SBF2: variants seen among roughly 807,000 people sequenced by gnomAD.
SBF2 encodes myotubularin-related protein 13.
SBF2 carries 112 observed loss-of-function variants against 225.2 expected under a neutral mutation model. That is an observed-to-expected ratio of 0.50 (90% CI 0.43 to 0.58). The LOEUF (loss-of-function observed/expected upper bound fraction) is 0.58, where lower values mean the gene tolerates loss of function less well. Among genes scored for constraint, SBF2 ranks in the 20% least tolerant of loss-of-function variants. The pLI, the probability that SBF2 is intolerant of heterozygous loss-of-function variation, is 0.00. For missense variants in SBF2, 1,996 were observed against 2,206.2 expected, an observed-to-expected ratio of 0.90 and a Z score of 1.91; for synonymous variants, 763 against 773.3, an observed-to-expected ratio of 0.99 and a Z score of 0.22.
At chr11:10,152,000 T>C (rs771216992) in intron 2 of SBF2, among the ~76,000 whole-genome samples, 2 of 152,226 alleles carry the variant, frequency 1.3e-5, no homozygotes, top group Non-Finnish European at 2.9e-5. Flanking sequence ...TGTAGCATTG[T>C]CAAAGTTAGT....
chr11:9,892,724 T>TA (rs1860936096), intron 17 of SBF2, among the ~76,000 whole-genome samples: 1 of 151,868 alleles, frequency 6.6e-6, no homozygotes, highest in Non-Finnish European at 1.5e-5. Flanking sequence ...CACGCCCGGC[T>TA]AATTTCGTAT....
intron 2 of SBF2, among the ~76,000 whole-genome samples, chr11:10,062,139 G>T (rs144295948): frequency 6.6e-6 from 1 of 152,192 alleles, no homozygotes; most frequent in Non-Finnish European, 1.5e-5. Context: ...CTAGCCATAT[G>T]CAGAATACTG....
chr11:9,876,089 T>C (rs550018641), intron 17 of SBF2, among the ~76,000 whole-genome samples: 1 of 152,316 alleles, frequency 6.6e-6, no homozygotes, highest in African/African-American at 2.4e-5. Flanking sequence ...TTAAACGATC[T>C]GGTCACATCC....
intron 2 of SBF2, among the ~76,000 whole-genome samples, chr11:10,086,433 G>C (rs7946649): frequency 0.17 from 25,905 of 152,096 alleles, 2,404 homozygotes; most frequent in East Asian, 0.29. Context: ...TCACTTGCTG[G>C]TCCTCTGCAG....
intron 2 of SBF2, among the ~76,000 whole-genome samples, chr11:10,130,419 C>T (rs764016152): frequency 2.8e-4 from 43 of 151,472 alleles, no homozygotes; most frequent in Non-Finnish European, 6.2e-4. Flanking sequence ...TACCCTTAAA[C>T]AATTTTTTTA....
chr11:10,210,044 C>G (rs915185974), intron 1 of SBF2, among the ~76,000 whole-genome samples: 10 of 152,236 alleles, frequency 6.6e-5, no homozygotes, highest in African/African-American at 2.4e-4. Flanking sequence ...GTGGCTCATG[C>G]CTGTAATCCC....
rs1278371832 is a variant in SBF2, at chr11:9,780,303, G to C, written c.*115C>G. On this transcript the variant is annotated 3_prime_UTR_variant, in exon 40 of 40. Coordinates refer to ENST00000256190, the MANE Select transcript of SBF2 (RefSeq NM_030962.4). ...CCCTGCAAGAGGGGACTGGGCAGGA[G>C]AACCTCAGGCCCTGGGATAACTTGT... is the stretch of plus-strand genomic sequence containing the variant. The C allele has an allele frequency of 1.1e-6, 1 of 881,630 alleles. No homozygotes were observed. The allele number at this position is 881,630 out of a possible 1,614,324, so 54.6% of individuals were successfully genotyped here.
intron 1 of SBF2, among the ~76,000 whole-genome samples, chr11:10,270,490 G>A (rs1962383812): frequency 6.6e-6 from 1 of 152,156 alleles, no homozygotes; most frequent in Non-Finnish European, 1.5e-5. Context: ...ATGTTGAGTA[G>A]GCTGAGGAGG....
intron 2 of SBF2, among the ~76,000 whole-genome samples, chr11:10,182,860 G>A (rs539406756): frequency 1.2e-4 from 18 of 151,950 alleles, no homozygotes; most frequent in Admixed American, 9.2e-4. Flanking sequence ...TGCAACCTCC[G>A]TGTCCTGGGT....
In SBF2 at chr11:9,881,737, T is replaced by TC. The variant is rs560048250; in HGVS notation, c.1929+14205dup. On this transcript the variant is annotated intron_variant, in intron 17 of 39. Coordinates refer to ENST00000256190, the MANE Select transcript of SBF2 (RefSeq NM_030962.4). ...AGTAGAGTCTCTACAACACTCCCCA[T>TC]CCCCCCCCAATTAAACAAATAAAGT... Among the ~76,000 whole-genome samples the TC allele has an allele frequency of 1.6e-3, 240 of 146,338 alleles. 1 individual carries two copies. The highest frequency in any genetic ancestry group is 6.1e-3 in the South Asian group (28 of 4,576).
intron 16 of SBF2, among the ~76,000 whole-genome samples, chr11:9,918,011 G>T (rs1173945968): frequency 1.3e-5 from 2 of 151,516 alleles, no homozygotes; most frequent in African/African-American, 4.9e-5. Flanking sequence ...CATCACATAT[G>T]AACTTGATGC....
At chr11:10,284,687 T>C (rs1380740535) in intron 1 of SBF2, among the ~76,000 whole-genome samples, 1 of 152,178 alleles carries the variant, frequency 6.6e-6, no homozygotes, top group South Asian at 2.1e-4. Flanking sequence ...CACAGCTCAC[T>C]GCAGCCTCGA....
At chr11:9,911,536 T>C (rs1021768509) in intron 16 of SBF2, among the ~76,000 whole-genome samples, 3 of 152,180 alleles carry the variant, frequency 2.0e-5, no homozygotes, top group African/African-American at 7.2e-5. Context: ...AAAAAAGTTA[T>C]AGCAAGCTAA....
At chr11:9,931,361 C>A (rs1250126652) in intron 16 of SBF2, among the ~76,000 whole-genome samples, 1 of 152,240 alleles carries the variant, frequency 6.6e-6, no homozygotes, top group African/African-American at 2.4e-5. Flanking sequence ...TAGGGATCGA[C>A]AGACACCTGA....
intron 2 of SBF2, among the ~76,000 whole-genome samples, chr11:10,086,552 T>C (rs532697329): frequency 1.3e-5 from 2 of 152,304 alleles, no homozygotes; most frequent in East Asian, 1.9e-4. Flanking sequence ...CTAAGCACTA[T>C]AGTACAATCA....
chr11:9,860,492 TGA>T (rs1857646518), intron 17 of SBF2, among the ~76,000 whole-genome samples: 1 of 151,770 alleles, frequency 6.6e-6, no homozygotes, highest in Non-Finnish European at 1.5e-5. Flanking sequence ...GAGGTTGCAG[TGA>T]GATGAGATGG....
chr11:10,067,625 T>C (rs185550299), intron 2 of SBF2, among the ~76,000 whole-genome samples: 18 of 152,266 alleles, frequency 1.2e-4, no homozygotes, highest in African/African-American at 4.1e-4. Flanking sequence ...TCTGGTGTGG[T>C]GACTCACACC....
intron 1 of SBF2, among the ~76,000 whole-genome samples, chr11:10,251,801 T>G (rs1323546142): frequency 6.6e-6 from 1 of 152,138 alleles, no homozygotes; most frequent in African/African-American, 2.4e-5. Context: ...AATATGCGAC[T>G]GTGAGGACAC....
At chr11:10,132,532 T>C (rs1367432651) in intron 2 of SBF2, among the ~76,000 whole-genome samples, 1 of 147,708 alleles carries the variant, frequency 6.8e-6, no homozygotes, top group African/African-American at 2.5e-5. Context: ...GTTACAGCTC[T>C]TAAGGCAGCG....
Sources: gnomAD v4.1 joint callset for allele counts (sites outside exome capture counted in the v4.1 genomes callset) on GRCh38, gnomAD v4.1.1 for gene constraint, MANE v1.5 for transcripts, NCBI Gene and HGNC (gene_info 2026-07-23, HGNC 2026-07-21) for gene names.